Variants in PCDHGB3 observed in about 807,000 individuals in gnomAD.
PCDHGB3 encodes the protein protocadherin gamma-B3.
PCDHGB3 carries 40 observed loss-of-function variants against 59.2 expected under a neutral mutation model. That is an observed-to-expected ratio of 0.68 (90% CI 0.52 to 0.88). The LOEUF is 0.88. Ranked by LOEUF, PCDHGB3 falls within the 40% of genes least tolerant of loss-of-function variation. The pLI is 0.00. For synonymous variants in PCDHGB3, 581 were observed against 503.6 expected (o/e 1.15, Z -2.06); for missense variants, 1,309 against 1,187.9 (o/e 1.10, Z -1.50).
chr5:141,378,459 G>T (rs1022046466), intron 1 of PCDHGB3: 5 of 152,250 alleles, frequency 3.3e-5, no homozygotes, highest in Admixed American at 6.5e-5. Context: ...TGAGGCAGAG[G>T]TTGCAGTGAG....
intron 1 of PCDHGB3, among the ~76,000 whole-genome samples, chr5:141,494,157 G>A (rs929922206): frequency 5.9e-5 from 9 of 152,312 alleles, no homozygotes; most frequent in African/African-American, 1.7e-4. Context: ...TGTCTGGCAC[G>A]GAGTTCTAGG....
rs149314216 is a variant in PCDHGB3, at chr5:141,487,041, G to A, written c.2416-7766G>A. 2.1e-3 allele frequency: 3,442 copies of A among 1,614,128 alleles called. 3 individuals carry two copies. Among genetic ancestry groups the A allele is most frequent in the Non-Finnish European group, 2.7e-3 (3,235 of 1,180,026 alleles). ...GATCCCAGCCTGTTTGCAGTCTCTC[G>A]ATATGCTGGGGAGGTGCGGACGGCT... On this transcript the variant is annotated intron_variant, in intron 1 of 3. Transcript: ENST00000576222. The surrounding 1 kb of genome is among the most constrained non-coding windows in gnomAD (Gnocchi z 5.0).
intron 1 of PCDHGB3, chr5:141,388,335 C>G: frequency 1.2e-6 from 2 of 1,613,810 alleles, no homozygotes; most frequent in Non-Finnish European, 1.7e-6. Context: ...GCCTGGCACA[C>G]GATTTATATT....
intron 1 of PCDHGB3, among the ~76,000 whole-genome samples, chr5:141,470,417 T>A (rs1482173610): frequency 6.6e-6 from 1 of 152,226 alleles, no homozygotes; most frequent in East Asian, 1.9e-4. Context: ...ATTTTATGTA[T>A]TTTTTCCTTG....
At chr5:141,423,095 A>G (rs2096708889) in intron 1 of PCDHGB3, 3 of 1,613,978 alleles carry the variant, frequency 1.9e-6, no homozygotes, top group Non-Finnish European at 2.5e-6. Flanking sequence ...GTGGGGGAGC[A>G]CACGGGCGAG....
At chr5:141,425,640 C>G (rs2096886863) in intron 1 of PCDHGB3, among the ~76,000 whole-genome samples, 1 of 152,206 alleles carries the variant, frequency 6.6e-6, no homozygotes, top group Non-Finnish European at 1.5e-5. Flanking sequence ...TCTGATAAAA[C>G]TAGGAGGAAA....
In PCDHGB3 at chr5:141,476,245, G is replaced by C; in HGVS notation, c.2416-18562G>C. 3.1e-6 allele frequency: 5 copies of C among 1,614,086 alleles called. No homozygotes were observed. The highest frequency in any genetic ancestry group is 3.4e-6 in the Non-Finnish European group (4 of 1,180,026). On this transcript the variant is annotated intron_variant, in intron 1 of 3. Transcript: ENST00000576222. This position sits in a 1 kb window ranked among gnomAD's most constrained non-coding sequence, Gnocchi z 7.6. The stretch of plus-strand genomic sequence containing the variant: ...ATGAGATCCCGGAGGAAAGAGAGAA[G>C]GGTTTCGCTGTGGGCAACGTGGTCG...
At chr5:141,473,939 C>T (rs1301939679) in intron 1 of PCDHGB3, among the ~76,000 whole-genome samples, 2 of 152,068 alleles carry the variant, frequency 1.3e-5, no homozygotes, top group African/African-American at 2.4e-5. Context: ...TGCAGTAGCT[C>T]AGGCCTGTAG....
At chr5:141,509,319 G>A (rs1427191152) in intron 3 of PCDHGB3, among the ~76,000 whole-genome samples, 3 of 152,216 alleles carry the variant, frequency 2.0e-5, no homozygotes, top group African/African-American at 4.8e-5. Context: ...TGGGAGAGAA[G>A]CTCTACTGCC....
intron 1 of PCDHGB3, among the ~76,000 whole-genome samples, chr5:141,467,903 C>G (rs1256664266): frequency 6.6e-6 from 1 of 152,156 alleles, no homozygotes. Context: ...AAGAAATCCG[C>G]CCACCTCAGC....
intron 1 of PCDHGB3, chr5:141,383,840 T>G: frequency 1.2e-6 from 2 of 1,613,952 alleles, no homozygotes; most frequent in South Asian, 2.2e-5. Flanking sequence ...GAAACTGCCT[T>G]CTATGAAATG....
chr5:141,436,600 G>C (rs1054182433), intron 1 of PCDHGB3, among the ~76,000 whole-genome samples: 2 of 152,154 alleles, frequency 1.3e-5, no homozygotes, highest in African/African-American at 2.4e-5. Context: ...CGTGGTGATG[G>C]CTAGGGCTAA....
chr5:141,402,071 A>G, intron 1 of PCDHGB3, among the ~76,000 whole-genome samples: 2 of 152,340 alleles, frequency 1.3e-5, no homozygotes, highest in Middle Eastern at 3.4e-3. Context: ...AAAACTAAGC[A>G]TTTTTGAAAT....
intron 1 of PCDHGB3, chr5:141,374,688 G>C (rs750510871): frequency 1.9e-6 from 3 of 1,609,410 alleles, no homozygotes; most frequent in Admixed American, 1.7e-5. Flanking sequence ...ACACTGGACC[G>C]GGAAGGAGAA....
At chr5:141,419,253 A>G in intron 1 of PCDHGB3, 4 of 1,613,990 alleles carry the variant, frequency 2.5e-6, no homozygotes, top group South Asian at 1.1e-5. Flanking sequence ...CCAGAAAACA[A>G]CCAGCCGGGT....
rs1215626157 is a variant in PCDHGB3, at chr5:141,487,804, GT to G, written c.2416-7000del. ...TCGTGAATTAACCAGAGTTGTCACAGTTTAGCATTGGGGGCGGGTCATGCCT... is the reference window on the plus strand; with the variant it reads ...TCGTGAATTAACCAGAGTTGTCACAGTTAGCATTGGGGGCGGGTCATGCCT... On this transcript the variant is annotated intron_variant, in intron 1 of 3. Transcript: ENST00000576222. The surrounding 1 kb of genome is among the most constrained non-coding windows in gnomAD (Gnocchi z 5.0). 15 of 1,451,846 alleles carry G rather than the reference GT, an allele frequency of 1.0e-5. No homozygotes were observed. The highest frequency in any genetic ancestry group is 1.3e-5 in the Non-Finnish European group (14 of 1,072,382). 89.9% of individuals were successfully genotyped at this position (1,451,846 alleles called of 1,614,324 possible).
chr5:141,420,454 TATTCAAAGAC>T, intron 1 of PCDHGB3: 1 of 968,104 alleles, frequency 1.0e-6, no homozygotes, highest in Admixed American at 3.7e-5. Context: ...GTCTTCCTAC[TATTCAAAGAC>T]ATTTTAAAGC....
rs1220353816 is a variant in PCDHGB3, at chr5:141,396,426, C to T, written c.2415+23617C>T. Reference sequence around the variant, plus strand: ...CTGAGGTCAGGAGTTCAAGATCAGCCTGGCAAACATGGTGAAACCCCGTCT... The same window carrying T: ...CTGAGGTCAGGAGTTCAAGATCAGCTTGGCAAACATGGTGAAACCCCGTCT... On this transcript the variant is annotated intron_variant, in intron 1 of 3. Coordinates refer to ENST00000576222, the MANE Select transcript of PCDHGB3 (RefSeq NM_018924.5). The T allele has an allele frequency of 5.9e-5, 9 of 152,308 alleles. 1 individual carries two copies. The highest frequency in any genetic ancestry group is 2.2e-4 in the African/African-American group (9 of 41,552). 9.4% of individuals were successfully genotyped at this position (152,308 alleles called of 1,614,324 possible). A position where few individuals can be genotyped will look rare whatever the true frequency, so the allele number is the denominator to read the frequency against.
At position 141,490,821 on chromosome 5, in the gene PCDHGB3, G is replaced by A. The variant is rs907584239; in HGVS notation, c.2416-3986G>A. On this transcript the variant is annotated intron_variant, in intron 1 of 3. Transcript: ENST00000576222. The surrounding 1 kb of genome is among the most constrained non-coding windows in gnomAD (Gnocchi z 5.4). ...AGCGTACCTTTGACTATGAATTGCT[G>A]CAGATGCTGCAGATTGTGGTGGGGG... 6.2e-7 allele frequency: 1 copy of A among 1,613,876 alleles called. No homozygotes were observed. Among genetic ancestry groups the A allele is most frequent in the Non-Finnish European group, 8.5e-7 (1 of 1,179,826 alleles).
Sources: allele counts gnomAD v4.1 joint callset (sites outside exome capture counted in the v4.1 genomes callset), GRCh38; gene constraint gnomAD v4.1.1; non-coding constraint Gnocchi (gnomAD v3.1); transcripts MANE v1.5; gene names NCBI Gene and HGNC (gene_info 2026-07-23, HGNC 2026-07-21).